OSBPL10: variants seen among roughly 807,000 people sequenced by gnomAD.
The protein encoded by OSBPL10 is oxysterol binding protein like 10, also known as oxysterol-binding protein-related protein 10.
A neutral mutation model predicts 81.7 loss-of-function variants in OSBPL10; 49 were observed. That is an observed-to-expected ratio of 0.60 (90% CI 0.48 to 0.76). OSBPL10 has a LOEUF of 0.76. Ranked by LOEUF, OSBPL10 falls within the 30% of genes least tolerant of loss-of-function variation. OSBPL10 has a pLI of 0.00. For missense variants in OSBPL10, 923 were observed against 987.8 expected, an observed-to-expected ratio of 0.93 and a Z score of 0.88; for synonymous variants, 419 against 383.6, an observed-to-expected ratio of 1.09 and a Z score of -1.08.
chr3:31,961,349 G>A (rs1393251915), intron 1 of OSBPL10, among the ~76,000 whole-genome samples: 1 of 152,138 alleles, frequency 6.6e-6, no homozygotes, highest in African/African-American at 2.4e-5. Context: ...AGAAAAGTGA[G>A]CTCCCAGGGC....
chr3:32,032,950 C>T lies in OSBPL10; in HGVS notation n.298+13541G>A, dbSNP rs572495791. On this transcript the variant is annotated intron_variant and non_coding_transcript_variant, in intron 2 of 3. Transcript: ENST00000479173. ...TTCACATCTTTACTCAAGACCCATT[C>T]GCTATCAGCAATAAAATGTAAAACA... is the stretch of plus-strand genomic sequence containing the variant. 1.4e-4 allele frequency among the ~76,000 whole-genome samples: 21 copies of T among 152,262 alleles called. No homozygotes were observed. The South Asian group carries it at 3.9e-3, about 29-fold the overall frequency.
At chr3:31,871,016 C>A (rs985753452) in intron 3 of OSBPL10, among the ~76,000 whole-genome samples, 1 of 152,138 alleles carries the variant, frequency 6.6e-6, no homozygotes, top group Non-Finnish European at 1.5e-5. Flanking sequence ...CCAATCAGCG[C>A]CCTGTCAAAA....
At chr3:31,854,225 C>G (rs1264580637) in intron 3 of OSBPL10, among the ~76,000 whole-genome samples, 3 of 151,022 alleles carry the variant, frequency 2.0e-5, no homozygotes, top group Non-Finnish European at 2.9e-5. Flanking sequence ...AAAGGCCAAA[C>G]TGACCCCAGT....
At chr3:31,845,652 G>A (rs927470520) in intron 3 of OSBPL10, among the ~76,000 whole-genome samples, 2 of 152,148 alleles carry the variant, frequency 1.3e-5, no homozygotes, top group Admixed American at 6.5e-5. Flanking sequence ...AAGAGGAAAT[G>A]CTAAGCATGA....
At chr3:31,847,046 C>T (rs1410423970) in intron 3 of OSBPL10, among the ~76,000 whole-genome samples, 1 of 152,130 alleles carries the variant, frequency 6.6e-6, no homozygotes, top group African/African-American at 2.4e-5. Flanking sequence ...CAAAATAACT[C>T]AGATTTCCAA....
In OSBPL10 at chr3:31,927,979, C is replaced by T. The variant is rs1271900269; in HGVS notation, c.282-48149G>A. ...GTAAGGAGTAAGAAATAAAAAAGGC[C>T]CGAAAAGGATAGGTTGCATGGAGAG... On this transcript the variant is annotated intron_variant, in intron 1 of 11. Coordinates refer to ENST00000396556, the MANE Select transcript of OSBPL10 (RefSeq NM_017784.5). Among the ~76,000 whole-genome samples, 4 of 151,922 alleles carry T rather than the reference C, an allele frequency of 2.6e-5. No homozygotes were observed. In the East Asian group the frequency reaches 7.7e-4, roughly 29 times the overall value.
intron 1 of OSBPL10, among the ~76,000 whole-genome samples, chr3:31,894,309 G>T (rs1695993786): frequency 6.6e-6 from 1 of 152,168 alleles, no homozygotes; most frequent in South Asian, 2.1e-4. Flanking sequence ...GGAGGACAAG[G>T]GGAGGCAGGA....
rs182791126 is a variant in OSBPL10 at position 31,895,939 on chromosome 3, A to G, written c.282-16109T>C. 8.5e-5 allele frequency among the ~76,000 whole-genome samples: 13 copies of G among 152,314 alleles called. No homozygotes were observed. In the East Asian group the frequency reaches 2.5e-3, roughly 29 times the overall value. ...TGAAATCTAATTCCCTGTTTCAGCA[A>G]TGCACTCAGTAATTGCTGAGAATAG... On this transcript the variant is annotated intron_variant, in intron 1 of 11. Transcript: ENST00000396556.
chr3:31,670,808 C>G lies in OSBPL10; in HGVS notation c.1902G>C (p.Gly634=). 6.2e-7 allele frequency: 1 copy of G among 1,613,680 alleles called. No individual in the cohort carries two copies. The highest frequency in any genetic ancestry group is 8.5e-7 in the Non-Finnish European group (1 of 1,179,776). ...CGGCCAGCTCCTACCTGTGGACTTT[C>G]CCTCCATAGAAAGGCTTCGTGTGGA... ...VIFHTKPFYG[G]KVHRVTAEVK... is the part of the protein sequence containing the mutation. Residue 634 remains glycine, a synonymous_variant, in exon 9 of 12, where the codon GGG becomes GGC. Transcript: ENST00000396556.
chr3:31,904,832 C>T (rs78427386), intron 1 of OSBPL10, among the ~76,000 whole-genome samples: 1 of 152,146 alleles, frequency 6.6e-6, no homozygotes, highest in African/African-American at 2.4e-5. Context: ...TGGTGTTTGG[C>T]CAGCGAGTTC....
intron 2 of OSBPL10, among the ~76,000 whole-genome samples, chr3:31,992,113 T>G (rs937466796): frequency 7.3e-6 from 1 of 136,270 alleles, no homozygotes; most frequent in Non-Finnish European, 1.5e-5. Flanking sequence ...CCCACTGCAC[T>G]CCAACCTAGG....
chr3:32,040,798 C>T (rs1440245445), intron 2 of OSBPL10, among the ~76,000 whole-genome samples: 1 of 152,136 alleles, frequency 6.6e-6, no homozygotes, highest in African/African-American at 2.4e-5. Flanking sequence ...AATGGTGCCA[C>T]TGCACTCCAG....
chr3:31,838,655 A>G (rs1056352847), intron 3 of OSBPL10, among the ~76,000 whole-genome samples: 1 of 152,136 alleles, frequency 6.6e-6, no homozygotes, highest in Admixed American at 6.5e-5. Flanking sequence ...GCTCTCTTCA[A>G]CTGAGGTCCA....
intron 4 of OSBPL10, among the ~76,000 whole-genome samples, chr3:31,812,363 AC>A (rs1193533667): frequency 6.6e-6 from 1 of 152,188 alleles, no homozygotes; most frequent in African/African-American, 2.4e-5. Context: ...ATAATTTAAT[AC>A]CTGGTTAACG....
intron 6 of OSBPL10, among the ~76,000 whole-genome samples, chr3:31,722,523 T>C (rs1291451443): frequency 6.6e-6 from 1 of 152,166 alleles, no homozygotes; most frequent in Middle Eastern, 3.2e-3. Context: ...ATGGGGTTTT[T>C]AAAAGCCAGG....
intron 2 of OSBPL10, among the ~76,000 whole-genome samples, chr3:32,036,709 C>T (rs1699523127): frequency 6.6e-6 from 1 of 151,802 alleles, no homozygotes; most frequent in Admixed American, 6.6e-5. Context: ...TGTAGTCCCA[C>T]CACTTTGGGA....
intron 1 of OSBPL10, among the ~76,000 whole-genome samples, chr3:32,066,996 C>A (rs1699785548): frequency 6.6e-6 from 1 of 152,164 alleles, no homozygotes; most frequent in African/African-American, 2.4e-5. Context: ...AACGAGGCTC[C>A]TTCTGCTTTA....
At chr3:32,033,109 C>T (rs1699487598) in intron 2 of OSBPL10, among the ~76,000 whole-genome samples, 1 of 152,106 alleles carries the variant, frequency 6.6e-6, no homozygotes, top group Admixed American at 6.6e-5. Context: ...CCTATTATTT[C>T]TGATATCATA....
rs149922917 is a variant in OSBPL10 at position 31,819,036 on chromosome 3, C to T, written c.729+11004G>A. ...CCAAGAGCACGGTTGCTAAGATTGC[C>T]ACTTTCAGGGAAGGACAGATAGGAC... is the stretch of plus-strand genomic sequence containing the variant. On this transcript the variant is annotated intron_variant, in intron 4 of 11. Coordinates refer to ENST00000396556, the MANE Select transcript of OSBPL10 (RefSeq NM_017784.5). Among the ~76,000 whole-genome samples the T allele has an allele frequency of 2.2e-3, 335 of 152,352 alleles. 3 individuals are homozygous for T. The highest frequency in any genetic ancestry group is 7.8e-3 in the African/African-American group (324 of 41,576).
Sources: gnomAD v4.1 joint callset for allele counts (sites outside exome capture counted in the v4.1 genomes callset) on GRCh38, gnomAD v4.1.1 for gene constraint, MANE v1.5 for transcripts, NCBI Gene and HGNC (gene_info 2026-07-23, HGNC 2026-07-21) for gene names.